PCNX1: variants seen among roughly 807,000 people sequenced by gnomAD.
PCNX1 encodes the protein pecanex 1.
In PCNX1, 78 loss-of-function variants were observed where a neutral mutation model predicts 242.2. The observed-to-expected ratio is 0.32, with a 90% CI of 0.27 to 0.39. The LOEUF (loss-of-function observed/expected upper bound fraction) is 0.39. PCNX1 is among the 10% of genes least tolerant of loss of function. PCNX1 has a pLI of 1.00. For synonymous variants in PCNX1, 1,024 were observed against 1,032.9 expected, an observed-to-expected ratio of 0.99 and a Z score of 0.17; for missense variants, 2,581 against 2,856.5, an observed-to-expected ratio of 0.90 and a Z score of 2.20.
intron 21 of PCNX1, 97 bp downstream of exon 21, chr14:71,047,202 A>C: frequency 1.4e-6 from 1 of 729,232 alleles, no homozygotes. Context: ...TGTTTCCTTC[A>C]TGCAAGGCAC....
rs2062721630 is a variant in PCNX1, at chr14:71,109,876, G to A, written c.6967G>A (p.Asp2323Asn). The A allele has an allele frequency of 4.3e-6, 7 of 1,613,178 alleles. No individual in the cohort carries two copies. Among genetic ancestry groups the A allele is most frequent in the Non-Finnish European group, 5.9e-6 (7 of 1,179,202 alleles). Reference sequence around the variant, plus strand: ...CAAGGCAGTGCTTCTGGTCCAGATTGATGATAAATATGTGACTGTAATTGA... The same window carrying A: ...CAAGGCAGTGCTTCTGGTCCAGATTAATGATAAATATGTGACTGTAATTGA... ...IDKAVLLVQI[D>N]DKYVTVIETG... The change falls in exon 36 of 36, where the codon GAT becomes AAT. Residue 2323 changes from aspartate to asparagine, a missense_variant. Around this residue, in one of 9 missense-constraint regions of PCNX1, gnomAD observed 432 missense variants for 433.6 expected, o/e 1.00. Transcript: ENST00000304743.
chr14:70,915,195 C>T (rs1417902119), intron 1 of PCNX1, among the ~76,000 whole-genome samples: 1 of 151,822 alleles, frequency 6.6e-6, no homozygotes, highest in Non-Finnish European at 1.5e-5. Context: ...CAGCTAGGCT[C>T]TTCCCAGTTT....
chr14:70,947,254 T>C, intron 2 of PCNX1, 131 bp downstream of exon 2: 1 of 666,680 alleles, frequency 1.5e-6, no homozygotes, highest in Non-Finnish European at 2.6e-6. Context: ...CCACTGTAGA[T>C]ACAATGATGG....
Position 71,102,014 on chromosome 14 carries a change from T to C in PCNX1, c.5614T>C (p.Tyr1872His). 1 of 1,601,618 alleles carries C rather than the reference T, an allele frequency of 6.2e-7. No individual in the cohort carries two copies. Among genetic ancestry groups the C allele is most frequent in the Non-Finnish European group, 8.5e-7 (1 of 1,171,720 alleles). The change falls in exon 31 of 36, where the codon TAT becomes CAT. Residue 1872 changes from tyrosine to histidine, a missense_variant. Tyr to His is a moderately conservative substitution (Grantham distance 83). This residue lies in a region of PCNX1 where 298 missense variants were observed against 480.1 expected (regional missense o/e 0.62). Coordinates refer to ENST00000304743, the MANE Select transcript of PCNX1 (RefSeq NM_014982.3). ...HQDHFTSPDE[Y>H]DDPTVLYEAI... Reference sequence around the variant, plus strand: ...GGATCATTTTACTTCTCCAGATGAATATGATGACCCTACTGTGCTCTATGA... The same window carrying C: ...GGATCATTTTACTTCTCCAGATGAACATGATGACCCTACTGTGCTCTATGA...
intron 10 of PCNX1, 92 bp downstream of exon 10, chr14:71,011,641 T>C: frequency 1.2e-6 from 1 of 802,242 alleles, no homozygotes; most frequent in South Asian, 1.6e-5. Flanking sequence ...CCATAAAAAT[T>C]GATGAAGTTA....
intron 26 of PCNX1, among the ~76,000 whole-genome samples, chr14:71,061,535 T>G (rs2061326167): frequency 6.6e-6 from 1 of 152,198 alleles, no homozygotes; most frequent in East Asian, 1.9e-4. Context: ...TCGCAGCTTT[T>G]CAGACCTACC....
chr14:70,982,677 A>T (rs1224242880), intron 6 of PCNX1, among the ~76,000 whole-genome samples: 1 of 152,230 alleles, frequency 6.6e-6, no homozygotes, highest in East Asian at 1.9e-4. Flanking sequence ...TATCAAGAAA[A>T]GTGGTGTTTA....
chr14:71,034,922 A>G (rs2060487233), intron 18 of PCNX1, among the ~76,000 whole-genome samples: 1 of 152,228 alleles, frequency 6.6e-6, no homozygotes, highest in African/African-American at 2.4e-5. Flanking sequence ...AAAGAGATCA[A>G]GAGGTTTCTG....
At chr14:71,097,543 C>T (rs550503531) in intron 30 of PCNX1, among the ~76,000 whole-genome samples, 16 of 152,050 alleles carry the variant, frequency 1.1e-4, no homozygotes, top group Admixed American at 2.6e-4. Context: ...TTTGATGATT[C>T]GTGTTGTTGA....
intron 11 of PCNX1, among the ~76,000 whole-genome samples, chr14:71,015,376 G>C (rs1314196781): frequency 6.6e-6 from 1 of 152,146 alleles, no homozygotes; most frequent in African/African-American, 2.4e-5. Context: ...TGCTTCGTGT[G>C]GTTTATAACA....
chr14:70,956,143 A>G (rs1393636488), intron 2 of PCNX1, among the ~76,000 whole-genome samples: 1 of 152,140 alleles, frequency 6.6e-6, no homozygotes, highest in Non-Finnish European at 1.5e-5. Context: ...CCAAAATGTC[A>G]ATAGTACTGA....
chr14:70,996,017 T>C, intron 8 of PCNX1, 92 bp downstream of exon 8: 1 of 965,942 alleles, frequency 1.0e-6, no homozygotes, highest in South Asian at 1.4e-5. Context: ...GATAGTTTCA[T>C]TTTGGAACTA....
intron 8 of PCNX1, among the ~76,000 whole-genome samples, chr14:71,000,053 ATTGTT>A (rs2059457803): frequency 6.6e-6 from 1 of 152,078 alleles, no homozygotes; most frequent in African/African-American, 2.4e-5. Flanking sequence ...GTCCTTTATT[ATTGTT>A]TTGAGTACAA....
chr14:70,999,971 CTTATG>C (rs2059455371), intron 8 of PCNX1, among the ~76,000 whole-genome samples: 2 of 151,986 alleles, frequency 1.3e-5, no homozygotes, highest in African/African-American at 2.4e-5. Context: ...ATGTCAGTTC[CTTATG>C]TTATGGTAGA....
chr14:71,047,937 G>C lies in PCNX1; in HGVS notation c.4291G>C (p.Glu1431Gln). The C allele has an allele frequency of 6.2e-7, 1 of 1,613,180 alleles. No homozygotes were observed. Among genetic ancestry groups the C allele is most frequent in the South Asian group, 1.1e-5 (1 of 91,044 alleles). The change falls in exon 22 of 36, where the codon GAG becomes CAG. Residue 1431 changes from glutamate (E) to glutamine (Q), a missense_variant. Physicochemically the swap from Glu to Gln is conservative, Grantham distance 29. Coordinates refer to ENST00000304743, the MANE Select transcript of PCNX1 (RefSeq NM_014982.3). ...FFKFDYEAFS[E>Q]TMLLDLFFMS... ...CAAATTTGACTATGAAGCTTTTTCA[G>C]AGACCATGCTGTTGGATCTCTTCTT...
chr14:70,909,415 A>G (rs1236836860), intron 1 of PCNX1, among the ~76,000 whole-genome samples: 2 of 152,222 alleles, frequency 1.3e-5, no homozygotes, highest in African/African-American at 2.4e-5. Context: ...TTGCACTACT[A>G]TACCTTCCAG....
chr14:71,050,156 A>T (rs1310551002), intron 22 of PCNX1, among the ~76,000 whole-genome samples: 1 of 151,086 alleles, frequency 6.6e-6, no homozygotes, highest in Non-Finnish European at 1.5e-5. Flanking sequence ...AGACATCTTG[A>T]TTTTTTTTCT....
intron 1 of PCNX1, among the ~76,000 whole-genome samples, chr14:70,940,096 G>C (rs10138470): frequency 1.6e-3 from 248 of 152,240 alleles, no homozygotes; most frequent in African/African-American, 5.7e-3. Flanking sequence ...TTGCCAGTCT[G>C]TGTCTTTTAA....
Position 71,088,352 on chromosome 14 carries a change from C to G in PCNX1, c.5360C>G (p.Ser1787Ter). ...RAKPVDVDKD[S>*]SLVTLCYGLC... The stretch of plus-strand genomic sequence containing the variant: ...AAGCCTGTGGATGTGGACAAAGATT[C>G]ATCCCTAGTGACTCTCTGTTATGGA... The change falls in exon 29 of 36, where the codon TCA becomes TGA. Residue 1787 changes from serine to a stop codon, truncating the protein, a stop_gained. Coordinates refer to ENST00000304743, the MANE Select transcript of PCNX1 (RefSeq NM_014982.3). LOFTEE classifies it high-confidence loss of function. 6.2e-7 allele frequency: 1 copy of G among 1,609,004 alleles called. No individual in the cohort carries two copies. Among genetic ancestry groups the G allele is most frequent in the Non-Finnish European group, 8.5e-7 (1 of 1,175,950 alleles).
Sources: gnomAD v4.1 joint callset for allele counts (sites outside exome capture counted in the v4.1 genomes callset) on GRCh38, gnomAD v4.1.1 for gene constraint, gnomAD v4.1.1 regional missense constraint, MANE v1.5 for transcripts, NCBI Gene and HGNC (gene_info 2026-07-23, HGNC 2026-07-21) for gene names.